Variants in SLC24A1 observed in about 807,000 individuals in gnomAD.
The protein encoded by SLC24A1 is sodium/potassium/calcium exchanger 1.
In SLC24A1, 52 loss-of-function variants were observed where a neutral mutation model predicts 88.1. That is an observed-to-expected ratio of 0.59 (90% CI 0.47 to 0.74). The LOEUF is 0.74. Among genes scored for constraint, SLC24A1 ranks in the 30% least tolerant of loss-of-function variants. The probability of loss-of-function intolerance (pLI) is 0.00; values close to 1 mark genes in which losing one functional copy is unlikely to be tolerated. For missense variants in SLC24A1, 1,173 were observed against 1,363.3 expected (o/e 0.86, Z 2.20); for synonymous variants, 455 against 498.0 (o/e 0.91, Z 1.15).
chr15:65,613,057 TAGA>T (rs1229131422), intron 2 of SLC24A1, among the ~76,000 whole-genome samples: 5 of 152,200 alleles, frequency 3.3e-5, no homozygotes, highest in Non-Finnish European at 5.9e-5. Context: ...GCACAAAGGT[TAGA>T]AGGTTTTAAA....
At chr15:65,644,154 C>T in intron 4 of SLC24A1, 1 of 416,378 alleles carries the variant, frequency 2.4e-6, no homozygotes, top group Non-Finnish European at 4.5e-6. Flanking sequence ...GTCATTTTAC[C>T]AGAGAGGAAA....
chr15:65,650,350 CCA>C lies in SLC24A1; in HGVS notation c.2233-27_2233-26del. On this transcript the variant is annotated intron_variant, in intron 6 of 9. Coordinates refer to ENST00000261892, the MANE Select transcript of SLC24A1 (RefSeq NM_004727.3). This position sits in a 1 kb window ranked among gnomAD's most constrained non-coding sequence, Gnocchi z 4.1. The stretch of plus-strand genomic sequence containing the variant: ...ATAAGGAAAACAAGCAGAGCAGTTA[CCA>C]CACATTAATCTGTTGGTTTTGGATT... 1.3e-6 allele frequency: 2 copies of C among 1,522,508 alleles called. No individual in the cohort carries two copies. The highest frequency in any genetic ancestry group is 1.4e-5 in the African/African-American group (1 of 72,202). The allele number at this position is 1,522,508 out of a possible 1,614,324, so 94.3% of individuals were successfully genotyped here. A position where few individuals can be genotyped will look rare whatever the true frequency, so the allele number is the denominator to read the frequency against.
chr15:65,659,785 C>G (rs1393563228), downstream of SLC24A1: 1 of 153,434 alleles, frequency 6.5e-6, no homozygotes, highest in East Asian at 1.9e-4. Context: ...AAAGCAGAAA[C>G]AAAACTTGGG....
chr15:65,649,327 T>A (rs1394322956), intron 6 of SLC24A1, among the ~76,000 whole-genome samples: 1 of 152,134 alleles, frequency 6.6e-6, no homozygotes, highest in East Asian at 1.9e-4. Flanking sequence ...CTCAAACTCC[T>A]GACCTTGTGA....
rs201199381 is a variant in SLC24A1, at chr15:65,652,779, G to A, written c.3021G>A (p.Val1007=). The change falls in exon 9 of 10, where the codon GTG becomes GTA. Residue 1007 remains valine, a synonymous_variant. Coordinates refer to ENST00000261892, the MANE Select transcript of SLC24A1 (RefSeq NM_004727.3). ...GAGACATGGCTGTGTCAAGCTCTGT[G>A]GGCAGTAACATATTTGATATCACTG... is the stretch of plus-strand genomic sequence containing the variant. ...GLGDMAVSSS[V]GSNIFDITVG... The A allele has an allele frequency of 9.4e-5, 152 of 1,610,718 alleles. No individual in the cohort carries two copies. Among genetic ancestry groups the A allele is most frequent in the Middle Eastern group, 5.0e-4 (3 of 6,050 alleles).
intron 4 of SLC24A1, among the ~76,000 whole-genome samples, chr15:65,641,113 G>A (rs2075112198): frequency 1.3e-5 from 2 of 152,066 alleles, no homozygotes; most frequent in South Asian, 2.1e-4. Flanking sequence ...AGTGGCTCAC[G>A]CCTGTAATCC....
chr15:65,623,971 T>G lies in SLC24A1; in HGVS notation c.-110T>G. The G allele has an allele frequency of 1.0e-6, 1 of 971,748 alleles. No individual in the cohort carries two copies. Among genetic ancestry groups the G allele is most frequent in the Non-Finnish European group, 1.6e-6 (1 of 643,762 alleles). 60.2% of individuals were successfully genotyped at this position (971,748 alleles called of 1,614,324 possible). A position where few individuals can be genotyped will look rare whatever the true frequency, so the allele number is the denominator to read the frequency against. ...CCCACCTAGGGTTGTGGATACCCCC[T>G]GGCTGGGCTTCATGGAGAAATCTTC... On this transcript the variant is annotated 5_prime_UTR_variant, in exon 2 of 10. Transcript: ENST00000261892.
chr15:65,624,076 C>A lies in SLC24A1; in HGVS notation c.-5C>A, dbSNP rs1467378405. 1 of 1,571,424 alleles carries A rather than the reference C, an allele frequency of 6.4e-7. No individual in the cohort carries two copies. Among genetic ancestry groups the A allele is most frequent in the Non-Finnish European group, 8.6e-7 (1 of 1,161,476 alleles). ...GCCTTCTGTAACCAGATATAACTGG[C>A]CAGCATGGGGAAATTGATCAGGATG... On this transcript the variant is annotated 5_prime_UTR_variant, in exon 2 of 10. Transcript: ENST00000261892.
chr15:65,638,303 TGGG>T, intron 3 of SLC24A1, 122 bp downstream of exon 3: 3 of 702,088 alleles, frequency 4.3e-6, no homozygotes, highest in Non-Finnish European at 7.6e-6. Flanking sequence ...AGGAAACTCC[TGGG>T]AGCGCTGCCA....
intron 6 of SLC24A1, among the ~76,000 whole-genome samples, chr15:65,648,957 G>C (rs1275007784): frequency 1.3e-5 from 2 of 152,172 alleles, no homozygotes; most frequent in African/African-American, 4.8e-5. Context: ...ATGGCTTTTA[G>C]GGTGTGTGGA....
chr15:65,634,699 G>T (rs1341685082), intron 2 of SLC24A1, among the ~76,000 whole-genome samples: 2 of 141,398 alleles, frequency 1.4e-5, no homozygotes, highest in Non-Finnish European at 3.0e-5. Context: ...ATTTATGCTT[G>T]GGAAAATAAA....
Position 65,655,496 on chromosome 15 carries a change from A to T in SLC24A1, c.*1417A>T. On this transcript the variant is annotated 3_prime_UTR_variant, in exon 10 of 10. Transcript: ENST00000261892. Reference sequence around the variant, plus strand: ...GGTTAAATGTTTTATGTGGAATTTGATGAGTTTGTATATTAAATACCACTG... The same window carrying T: ...GGTTAAATGTTTTATGTGGAATTTGTTGAGTTTGTATATTAAATACCACTG... The T allele has an allele frequency of 1.0e-6, 1 of 985,418 alleles. No individual in the cohort carries two copies. The highest frequency in any genetic ancestry group is 1.2e-6 in the Non-Finnish European group (1 of 829,898). 61.0% of individuals were successfully genotyped at this position (985,418 alleles called of 1,614,324 possible).
In SLC24A1 at chr15:65,639,672, C is replaced by G. The variant is rs2075059764; in HGVS notation, c.2022C>G (p.Leu674=). The G allele has an allele frequency of 6.2e-7, 1 of 1,612,702 alleles. No homozygotes were observed. The highest frequency in any genetic ancestry group is 8.5e-7 in the Non-Finnish European group (1 of 1,179,452). The part of the protein sequence containing the change: ...NSTIRSTIYQ[L]MLHSLDPLRE... Reference sequence around the variant, plus strand: ...CCATCCGCAGCACCATCTACCAGCTCATGCTCCACAGCCTGGACCCCCTGA... The same window carrying G: ...CCATCCGCAGCACCATCTACCAGCTGATGCTCCACAGCCTGGACCCCCTGA... The change falls in exon 4 of 10, where the codon CTC becomes CTG. Residue 674 remains leucine (L), a synonymous_variant. Coordinates refer to ENST00000261892, the MANE Select transcript of SLC24A1 (RefSeq NM_004727.3).
intron 6 of SLC24A1, among the ~76,000 whole-genome samples, chr15:65,648,274 A>AT (rs1162243439): frequency 6.6e-6 from 1 of 152,076 alleles, no homozygotes; most frequent in Non-Finnish European, 1.5e-5. Context: ...CAAAAAAAAA[A>AT]GCCTTCAGGT....
In SLC24A1 at chr15:65,642,397, G is replaced by C. The variant is rs549355216; in HGVS notation, c.2054-2030G>C. On this transcript the variant is annotated intron_variant, in intron 4 of 9. Coordinates refer to ENST00000261892, the MANE Select transcript of SLC24A1 (RefSeq NM_004727.3). ...CACTTGGATGTGTGTGAGACAGGGT[G>C]GGGGAGACCCTGCAGCTGACCTGTT... Among the ~76,000 whole-genome samples the C allele has an allele frequency of 2.1e-3, 320 of 152,270 alleles. 2 individuals carry two copies. The highest frequency in any genetic ancestry group is 7.4e-3 in the African/African-American group (306 of 41,544).
In SLC24A1 at chr15:65,635,477, A is replaced by AAAAAG. The variant is rs1409816795; in HGVS notation, c.1891-2648_1891-2647insAGAAA. ...AAAAAAAAAAAAAAAAAAAGAAAAA[A>AAAAAG]AAAGAAAGAACTCTTTGGGTGAGGG... is the stretch of plus-strand genomic sequence containing the variant. On this transcript the variant is annotated intron_variant, in intron 2 of 9. Transcript: ENST00000261892. 3.4e-3 allele frequency among the ~76,000 whole-genome samples: 493 copies of AAAAAG among 146,894 alleles called. 3 individuals are homozygous for AAAAAG. Among genetic ancestry groups the AAAAAG allele is most frequent in the South Asian group, 4.1e-3 (19 of 4,630 alleles).
rs914437252 is a variant in SLC24A1 at position 65,654,460 on chromosome 15, C to A, written c.*381C>A. The A allele has an allele frequency of 6.0e-6, 7 of 1,161,036 alleles. No homozygotes were observed. Among genetic ancestry groups the A allele is most frequent in the Non-Finnish European group, 5.4e-6 (5 of 933,808 alleles). 71.9% of individuals were successfully genotyped at this position (1,161,036 alleles called of 1,614,324 possible). On this transcript the variant is annotated 3_prime_UTR_variant, in exon 10 of 10. Transcript: ENST00000261892. ...TGTTCCCTGATCATTCCAAAGGCTG[C>A]TGGCCCAAAAGATGCAGATGTGGTC...
upstream of SLC24A1, among the ~76,000 whole-genome samples, chr15:65,618,504 C>G (rs1460033823): frequency 6.6e-6 from 1 of 152,092 alleles, no homozygotes; most frequent in Non-Finnish European, 1.5e-5. Flanking sequence ...GCCTGGTAGA[C>G]TAATATAGGG....
chr15:65,659,331 T>G (rs78613896), downstream of SLC24A1: 4 of 126,044 alleles, frequency 3.2e-5, no homozygotes, highest in Admixed American at 7.9e-5. Flanking sequence ...GGTTTTTTTT[T>G]TTTTTTTTTT....
Sources: allele counts gnomAD v4.1 joint callset (sites outside exome capture counted in the v4.1 genomes callset), GRCh38; gene constraint gnomAD v4.1.1; non-coding constraint Gnocchi (gnomAD v3.1); transcripts MANE v1.5; gene names NCBI Gene and HGNC (gene_info 2026-07-23, HGNC 2026-07-21).